Variants in NID1 observed in about 807,000 individuals in gnomAD.
The protein encoded by NID1 is nidogen 1.
A neutral mutation model predicts 130.6 loss-of-function variants in NID1; 76 were observed. The ratio of observed to expected loss-of-function variants is 0.58; its 90% CI spans 0.48 to 0.70. The LOEUF (loss-of-function observed/expected upper bound fraction) is 0.70, where lower values mean the gene tolerates loss of function less well. Ranked by LOEUF, NID1 falls within the 30% of genes least tolerant of loss-of-function variation. The pLI is 0.00. For synonymous variants in NID1, 665 were observed against 675.1 expected, an observed-to-expected ratio of 0.98 and a Z score of 0.23; for missense variants, 1,517 against 1,664.8, an observed-to-expected ratio of 0.91 and a Z score of 1.54.
In NID1 at chr1:236,048,931, C is replaced by A. The variant is rs776356498; in HGVS notation, c.284G>T (p.Gly95Val). Reference sequence around the variant, plus strand: ...TGCACCGAATGTTGGTGGGAAGAGCCCGGGATGGGATTCTTTGGCCGGGGG... The same window carrying A: ...TGCACCGAATGTTGGTGGGAAGAGCACGGGATGGGATTCTTTGGCCGGGGG... ...SEPPAKESHP[G>V]LFPPTFGAVA... The change falls in exon 2 of 20, where the codon GGG (glycine) becomes GTG (valine). Residue 95 changes from glycine to valine, a missense_variant. Gly to Val is a moderately radical substitution (Grantham distance 109, BLOSUM62 -3). Coordinates refer to ENST00000264187, the MANE Select transcript of NID1 (RefSeq NM_002508.3). 2.5e-6 allele frequency: 4 copies of A among 1,613,958 alleles called. No homozygotes were observed. In the African/African-American group the frequency reaches 5.3e-5, roughly 22 times the overall value.
chr1:236,058,302 G>C (rs958190251), intron 1 of NID1, among the ~76,000 whole-genome samples: 4 of 152,150 alleles, frequency 2.6e-5, no homozygotes, highest in African/African-American at 9.7e-5. Context: ...TCACTATGTG[G>C]CTAGTAAAAC....
At position 236,042,083 on chromosome 1, in the gene NID1, C is replaced by T. The variant is rs1197447513; in HGVS notation, c.962G>A (p.Gly321Glu). Reference sequence around the variant, plus strand: ...GGGCACACTGTATGTGTCAGCACCTCCCCTTCTCAGAGCCTTGTAGGAGAA... The same window carrying T: ...GGGCACACTGTATGTGTCAGCACCTTCCCTTCTCAGAGCCTTGTAGGAGAA... ...TPFSYKALRR[G>E]GADTYSVPSV... is the part of the protein sequence containing the mutation. The change falls in exon 4 of 20, where the codon GGA becomes GAA. Residue 321 changes from glycine to glutamate, a missense_variant. This residue lies in a region of NID1 where 1,329 missense variants were observed against 1,429.2 expected (regional missense o/e 0.93). Coordinates refer to ENST00000264187, the MANE Select transcript of NID1 (RefSeq NM_002508.3). 3 of 1,614,186 alleles carry T rather than the reference C, an allele frequency of 1.9e-6. No individual in the cohort carries two copies. In the Admixed American group the frequency reaches 5.0e-5, roughly 27 times the overall value.
At chr1:236,009,334 C>A (rs1658341682) in intron 12 of NID1, among the ~76,000 whole-genome samples, 2 of 152,234 alleles carry the variant, frequency 1.3e-5, no homozygotes, top group African/African-American at 4.8e-5. Context: ...AACTTCTCAG[C>A]ACGTCGATCT....
chr1:236,011,607 AT>A (rs1195643126), intron 12 of NID1, among the ~76,000 whole-genome samples: 2 of 152,160 alleles, frequency 1.3e-5, no homozygotes, highest in African/African-American at 2.4e-5. Context: ...ATGTTCTACC[AT>A]TTCAAAGAAT....
chr1:235,984,263 C>T (rs1359494125), intron 15 of NID1, among the ~76,000 whole-genome samples: 2 of 152,076 alleles, frequency 1.3e-5, no homozygotes, highest in East Asian at 1.9e-4. Flanking sequence ...TTCACTAAAC[C>T]AAAGCATGAA....
intron 1 of NID1, among the ~76,000 whole-genome samples, chr1:236,061,930 G>A (rs1241860371): frequency 6.6e-6 from 1 of 152,166 alleles, no homozygotes; most frequent in Non-Finnish European, 1.5e-5. Flanking sequence ...AATAAGAAAT[G>A]TTGGTGAGGA....
At position 236,052,268 on chromosome 1, in the gene NID1, T is replaced by C. The variant is rs147158323; in HGVS notation, c.226-3279A>G. On this transcript the variant is annotated intron_variant, in intron 1 of 19. Transcript: ENST00000264187. ...ATGCACGATGCTCCTATCAGCCTTG[T>C]TCCTTTTCTCCATCTTTTGAAAGTA... Among the ~76,000 whole-genome samples the C allele has an allele frequency of 4.9e-3, 752 of 152,322 alleles. 4 individuals carry two copies. Among genetic ancestry groups the C allele is most frequent in the African/African-American group, 0.015 (632 of 41,566 alleles).
intron 10 of NID1, among the ~76,000 whole-genome samples, chr1:236,015,266 G>A (rs1373170020): frequency 1.3e-5 from 2 of 152,198 alleles, no homozygotes; most frequent in East Asian, 1.9e-4. Context: ...CTTTGAATGC[G>A]TGTAGGCAGA....
chr1:236,002,605 C>T (rs1427100507), intron 12 of NID1, among the ~76,000 whole-genome samples: 2 of 152,212 alleles, frequency 1.3e-5, no homozygotes, highest in Non-Finnish European at 2.9e-5. Context: ...GCTGAACGGA[C>T]TTAAGACAAG....
chr1:236,022,140 A>T (rs897850901), intron 9 of NID1, among the ~76,000 whole-genome samples: 2 of 151,960 alleles, frequency 1.3e-5, no homozygotes, highest in South Asian at 4.2e-4. Flanking sequence ...ATGGTGGCAC[A>T]CTTGTAGTCC....
At chr1:236,051,370 A>G (rs1439825826) in intron 1 of NID1, among the ~76,000 whole-genome samples, 5 of 151,948 alleles carry the variant, frequency 3.3e-5, no homozygotes, top group African/African-American at 1.2e-4. Flanking sequence ...GAGAGGAACT[A>G]AAGACCAAAC....
At chr1:235,994,012 T>C in intron 12 of NID1, 140 bp from the exon 13 acceptor site, 1 of 672,982 alleles carries the variant, frequency 1.5e-6, no homozygotes, top group Non-Finnish European at 2.5e-6. Context: ...TCATCAGTTA[T>C]TCAAAATGCA....
chr1:236,050,845 A>G (rs1378544517), intron 1 of NID1, among the ~76,000 whole-genome samples: 1 of 152,200 alleles, frequency 6.6e-6, no homozygotes, highest in African/African-American at 2.4e-5. Context: ...TGGGAAGCGG[A>G]GGTGGGTGGA....
chr1:235,985,061 C>T (rs1446410418), intron 15 of NID1, among the ~76,000 whole-genome samples: 6 of 151,942 alleles, frequency 3.9e-5, no homozygotes, highest in Non-Finnish European at 8.8e-5. Flanking sequence ...GGCATGGTGG[C>T]GGGCGACTTT....
intron 15 of NID1, 44 bp from the exon 16 acceptor site, chr1:235,981,826 A>G (rs1408394628): frequency 2.6e-6 from 4 of 1,547,174 alleles, no homozygotes; most frequent in Non-Finnish European, 3.5e-6. Context: ...TTGTTTTCTA[A>G]GCAGCTGAGA....
In NID1 at chr1:236,064,881, C is replaced by A. The variant is rs377406550; in HGVS notation, c.199G>T (p.Asp67Tyr). ...TAGACTGCGTCGATGTCGGATCTGT[C>A]GTAGAAGCGGAGCGCCCCACTCAGC... ...LELSGALRFYDRSDIDAVYVT... is the reference protein window; with the variant it reads ...LELSGALRFYYRSDIDAVYVT... Residue 67 changes from aspartate (D) to tyrosine (Y), a missense_variant, in exon 1 of 20, where the codon GAC becomes TAC. Asp to Tyr is a radical substitution (Grantham distance 160). This residue lies in a region of NID1 where 1,329 missense variants were observed against 1,429.2 expected (regional missense o/e 0.93). Coordinates refer to ENST00000264187, the MANE Select transcript of NID1 (RefSeq NM_002508.3). 125 of 1,612,078 alleles carry A rather than the reference C, an allele frequency of 7.8e-5. No individual in the cohort carries two copies. The highest frequency in any genetic ancestry group is 4.7e-4 in the Admixed American group (28 of 59,900).
chr1:235,999,286 G>C (rs1411463882), intron 12 of NID1, among the ~76,000 whole-genome samples: 1 of 152,228 alleles, frequency 6.6e-6, no homozygotes, highest in African/African-American at 2.4e-5. Flanking sequence ...AAAGTATTTG[G>C]TCAGCATAGA....
Position 236,025,916 on chromosome 1 carries a change from T to C in NID1, c.1964A>G (p.Asn655Ser), listed in dbSNP as rs1658915538. 3 of 1,611,916 alleles carry C rather than the reference T, an allele frequency of 1.9e-6. No homozygotes were observed. The highest frequency in any genetic ancestry group is 1.3e-5 in the African/African-American group (1 of 74,154). ...EEKILRYALS[N>S]SIGPVREGSP... ...CTTACCCCTCACAGGCCCAATGGAG[T>C]TGCTGAGAGCATAGCGCAAGATCTT... Residue 655 changes from asparagine to serine, a missense_variant, in exon 8 of 20, where the codon AAC (asparagine) becomes AGC (serine). This residue lies in a region of NID1 where 1,329 missense variants were observed against 1,429.2 expected (regional missense o/e 0.93). Coordinates refer to ENST00000264187, the MANE Select transcript of NID1 (RefSeq NM_002508.3).
At position 236,007,264 on chromosome 1, in the gene NID1, AC is replaced by A. The variant is rs1456613938; in HGVS notation, c.2527+4656del. 1.1e-4 allele frequency among the ~76,000 whole-genome samples: 16 copies of A among 152,102 alleles called. 1 individual carries two copies. Among genetic ancestry groups the A allele is most frequent in the Admixed American group, 7.2e-4 (11 of 15,274 alleles). ...GTCCAGGGTGTTCTTAAACTCCTGG[AC>A]CAGGTTTTACATTTCTAGCCCAAGA... is the stretch of plus-strand genomic sequence containing the variant. On this transcript the variant is annotated intron_variant, in intron 12 of 19. Coordinates refer to ENST00000264187, the MANE Select transcript of NID1 (RefSeq NM_002508.3).
Sources: allele counts gnomAD v4.1 joint callset (sites outside exome capture counted in the v4.1 genomes callset), GRCh38; gene constraint gnomAD v4.1.1; regional missense constraint gnomAD v4.1.1; transcripts MANE v1.5; gene names NCBI Gene and HGNC (gene_info 2026-07-23, HGNC 2026-07-21).